CROCC: variants seen among roughly 807,000 people sequenced by gnomAD.
The protein encoded by CROCC is ciliary rootlet coiled-coil, rootletin.
A neutral mutation model predicts 245.2 loss-of-function variants in CROCC; 180 were observed. That is an observed-to-expected ratio of 0.73 (90% CI 0.65 to 0.83). The LOEUF is 0.83. Among genes scored for constraint, CROCC ranks in the 40% least tolerant of loss-of-function variants. The probability of loss-of-function intolerance (pLI) is 0.00; values close to 1 mark genes in which losing one functional copy is unlikely to be tolerated. For missense variants in CROCC, 2,688 were observed against 2,779.4 expected (o/e 0.97, Z 0.74); for synonymous variants, 1,205 against 1,241.6 (o/e 0.97, Z 0.62).
Position 16,966,598 on chromosome 1 carries a change from G to A in CROCC, c.4860+27G>A. 1.4e-6 allele frequency: 2 copies of A among 1,453,748 alleles called. No individual in the cohort carries two copies. Among genetic ancestry groups the A allele is most frequent in the Non-Finnish European group, 9.0e-7 (1 of 1,105,558 alleles). The allele number at this position is 1,453,748 out of a possible 1,614,324, so 90.1% of individuals were successfully genotyped here. On this transcript the variant is annotated intron_variant, in intron 30 of 36. Coordinates refer to ENST00000375541, the MANE Select transcript of CROCC (RefSeq NM_014675.5). This position sits in a 1 kb window ranked among gnomAD's most constrained non-coding sequence, Gnocchi z 4.8. ...TGGGCAGGAGCTGAGGGCCAGCGGG[G>A]CGACGGGGAATCTGTGTACCCGAGT...
chr1:16,918,926 G>A (rs1338849413), upstream of CROCC, among the ~76,000 whole-genome samples: 11 of 152,200 alleles, frequency 7.2e-5, no homozygotes, highest in African/African-American at 1.7e-4. Flanking sequence ...TAGTAGAGAC[G>A]GGGTTTCACC....
At position 16,958,579 on chromosome 1, in the gene CROCC, AC is replaced by A; in HGVS notation, c.3865-3del. The A allele has an allele frequency of 1.3e-6, 2 of 1,550,758 alleles. No homozygotes were observed. The highest frequency in any genetic ancestry group is 1.7e-6 in the Non-Finnish European group (2 of 1,147,482). ...AACCTGCTGCCATTCCCGTGCTCTC[AC>A]AGATGAAGATGCTGGACAGTGAGAA... On this transcript the variant is annotated splice_region_variant and splice_polypyrimidine_tract_variant and intron_variant, in intron 25 of 36. Transcript: ENST00000375541.
chr1:16,917,343 A>G (rs959553316), upstream of CROCC, among the ~76,000 whole-genome samples: 1 of 152,286 alleles, frequency 6.6e-6, no homozygotes, highest in African/African-American at 2.4e-5. Flanking sequence ...TGGTTGGTTC[A>G]ATATTTTTGT....
At chr1:16,951,589 A>G (rs1327924412) in intron 20 of CROCC, among the ~76,000 whole-genome samples, 2 of 152,238 alleles carry the variant, frequency 1.3e-5, no homozygotes, top group African/African-American at 2.4e-5. Flanking sequence ...ACCTGTAGAA[A>G]TAGGGATAGG....
At chr1:16,945,902 G>A (rs3895173) in intron 15 of CROCC, among the ~76,000 whole-genome samples, 15 of 152,388 alleles carry the variant, frequency 9.8e-5, no homozygotes, top group South Asian at 4.1e-4. Context: ...CAGCTCCTGG[G>A]GTCTGAGAGT....
chr1:16,968,449 G>A, intron 31 of CROCC, 31 bp downstream of exon 31: 1 of 1,456,502 alleles, frequency 6.9e-7, no homozygotes, highest in Non-Finnish European at 9.0e-7. Flanking sequence ...CAGCCACAGT[G>A]TTCACATGCC....
chr1:16,970,057 G>T, intron 33 of CROCC, 123 bp downstream of exon 33: 1 of 1,320,924 alleles, frequency 7.6e-7, no homozygotes, highest in Non-Finnish European at 1.0e-6. Flanking sequence ...AGGAAACATG[G>T]TTCATTCAGA....
intron 27 of CROCC, 117 bp from the exon 28 acceptor site, chr1:16,965,606 G>T (rs996258771): frequency 1.3e-6 from 1 of 786,732 alleles, no homozygotes; most frequent in Admixed American, 2.1e-5. Context: ...CTAAGCTATA[G>T]CAGAGAAGTT....
chr1:16,950,962 C>T lies in CROCC; in HGVS notation c.2846C>T (p.Ala949Val), dbSNP rs771322195. The T allele has an allele frequency of 1.2e-5, 19 of 1,553,528 alleles. No homozygotes were observed. The East Asian group carries it at 2.6e-4, about 21-fold the overall frequency. Reference protein sequence around the residue: ...LAKETLTGELAGLRQQIIATQ... With the variant: ...LAKETLTGELVGLRQQIIATQ... The stretch of plus-strand genomic sequence containing the variant: ...CATTCCTCTCGTGCAGGGGAGTTGG[C>T]GGGCCTGCGGCAGCAAATAATAGCT... The change falls in exon 20 of 37, where the codon GCG becomes GTG. Residue 949 changes from alanine (A) to valine (V), a missense_variant. By Grantham distance (64) the Ala-to-Val change is moderately conservative. Around this residue, in one of 9 missense-constraint regions of CROCC, gnomAD observed 20 missense variants for 55.4 expected, o/e 0.36. Transcript: ENST00000375541.
intron 1 of CROCC, among the ~76,000 whole-genome samples, chr1:16,916,186 A>AAAAAAAAAAAAC (rs1451391327): frequency 2.1e-4 from 32 of 150,542 alleles, no homozygotes; most frequent in African/African-American, 7.5e-4. Flanking sequence ...TCTGCCTCAA[A>AAAAAAAAAAAAC]AAAAAAGGCC....
chr1:16,921,828 C>G, upstream of CROCC: 2 of 610,218 alleles, frequency 3.3e-6, no homozygotes, highest in Non-Finnish European at 5.9e-6. Context: ...CCTCTCCTGT[C>G]CTTTCCCATC....
At position 16,939,259 on chromosome 1, in the gene CROCC, T is replaced by A. The variant is rs1207407817; in HGVS notation, c.1608+117T>A. ...GGGGCCAGGGTCCGAGGGAGGAGTC[T>A]GAGCGCCCTGGGGTGCAGCCAGAGC... On this transcript the variant is annotated intron_variant, in intron 12 of 36. Coordinates refer to ENST00000375541, the MANE Select transcript of CROCC (RefSeq NM_014675.5). 107 of 946,388 alleles carry A rather than the reference T, an allele frequency of 1.1e-4. No homozygotes were observed. In the Middle Eastern group the frequency reaches 1.3e-3, roughly 12 times the overall value. 58.6% of individuals were successfully genotyped at this position (946,388 alleles called of 1,614,324 possible). A position where few individuals can be genotyped will look rare whatever the true frequency, so the allele number is the denominator to read the frequency against.
chr1:16,946,202 C>G, intron 15 of CROCC, 57 bp from the exon 16 acceptor site: 1 of 1,576,412 alleles, frequency 6.3e-7, no homozygotes, highest in Non-Finnish European at 8.6e-7. Flanking sequence ...TCTTGGGCCT[C>G]CTCACCTCCT....
At chr1:16,970,045 T>A in intron 33 of CROCC, 111 bp downstream of exon 33, 1 of 1,357,160 alleles carries the variant, frequency 7.4e-7, no homozygotes, top group Non-Finnish European at 9.9e-7. Flanking sequence ...CAGCCTCCAG[T>A]AAGGAAACAT....
At position 16,938,912 on chromosome 1, in the gene CROCC, G is replaced by C. The variant is rs747019078; in HGVS notation, c.1378G>C (p.Val460Leu). ...TGCCTCCCTCCCCCACCCTCAGGCC[G>C]TCTTGTCAGACTCTGAGAGCGGCGT... ...QQTLRDLAQA[V>L]LSDSESGVQL... is the part of the protein sequence containing the mutation. Residue 460 changes from valine (V) to leucine (L), a missense_variant, in exon 12 of 37, where the codon GTC (valine) becomes CTC (leucine). By Grantham distance (32) the Val-to-Leu change is conservative. This residue lies in a region of CROCC where 972 missense variants were observed against 895.3 expected (regional missense o/e 1.09). Transcript: ENST00000375541. The C allele has an allele frequency of 1.7e-5, 28 of 1,603,476 alleles. No homozygotes were observed. The highest frequency in any genetic ancestry group is 1.6e-4 in the Admixed American group (9 of 56,728).
intron 27 of CROCC, among the ~76,000 whole-genome samples, chr1:16,964,139 T>TTA (rs1553160572): frequency 0.051 from 7,246 of 143,042 alleles, 250 homozygotes; most frequent in Non-Finnish European, 0.07. Context: ...TTTTCTTTAT[T>TTA]TTTTTTTTTT....
At position 16,960,783 on chromosome 1, in the gene CROCC, A is replaced by G. The variant is rs367951208; in HGVS notation, c.4058A>G (p.Gln1353Arg). Residue 1353 changes from glutamine (Q) to arginine (R), a missense_variant, in exon 27 of 37, where the codon CAG becomes CGG. By Grantham distance (43) the Gln-to-Arg change is conservative. Around this residue, in one of 9 missense-constraint regions of CROCC, gnomAD observed 1,218 missense variants for 1,286.3 expected, o/e 0.95. Transcript: ENST00000375541. Reference sequence around the variant, plus strand: ...CTCCAGGTAGCCCAGCGGAAGCTGCAGGAACAAGAAGGCGAGTTCCGGACC... The same window carrying G: ...CTCCAGGTAGCCCAGCGGAAGCTGCGGGAACAAGAAGGCGAGTTCCGGACC... ...QELQVAQRKLQEQEGEFRTRE... is the reference protein window; with the variant it reads ...QELQVAQRKLREQEGEFRTRE... 3.4e-5 allele frequency: 53 copies of G among 1,542,146 alleles called. No individual in the cohort carries two copies. In the African/African-American group the frequency reaches 6.2e-4, roughly 18 times the overall value.
intron 25 of CROCC, among the ~76,000 whole-genome samples, 181 bp downstream of exon 25, chr1:16,956,337 CTG>C (rs1266510249): frequency 6.6e-6 from 1 of 152,156 alleles, no homozygotes; most frequent in Non-Finnish European, 1.5e-5. Context: ...ATCCCTGAAA[CTG>C]TGCAAAAGTC....
intron 35 of CROCC, chr1:16,971,036 G>C (rs1042001275): frequency 6.6e-6 from 3 of 457,258 alleles, no homozygotes; most frequent in Non-Finnish European, 1.2e-5. Flanking sequence ...CGATTCTTGT[G>C]TATGGAGCAT....
Sources: gnomAD v4.1 joint callset for allele counts (sites outside exome capture counted in the v4.1 genomes callset) on GRCh38, gnomAD v4.1.1 for gene constraint, gnomAD v4.1.1 regional missense constraint, Gnocchi (gnomAD v3.1) non-coding constraint, MANE v1.5 for transcripts, NCBI Gene and HGNC (gene_info 2026-07-23, HGNC 2026-07-21) for gene names.